Variants in FSTL5 observed in about 807,000 individuals in gnomAD.
The protein encoded by FSTL5 is follistatin-related protein 5.
Under a neutral mutation model 89.1 loss-of-function variants are expected in FSTL5, and 62 were observed. That is an observed-to-expected ratio of 0.70 (90% confidence interval 0.57 to 0.86). The LOEUF is 0.86. Ranked by LOEUF, FSTL5 falls within the 40% of genes least tolerant of loss-of-function variation. The probability of loss-of-function intolerance (pLI) is 0.00; values close to 1 mark genes in which losing one functional copy is unlikely to be tolerated. For missense variants in FSTL5, 1,057 were observed against 1,001.6 expected (o/e 1.06, Z -0.75); for synonymous variants, 383 against 346.2 (o/e 1.11, Z -1.18).
Position 161,413,278 on chromosome 4 carries a change from AAAAAAT to A in FSTL5, c.1842-26835_1842-26830del, listed in dbSNP as rs1553983759. Among the ~76,000 whole-genome samples the A allele has an allele frequency of 2.3e-4, 2 of 8,750 alleles. 1 individual carries two copies. Among genetic ancestry groups the A allele is most frequent in the Non-Finnish European group, 7.3e-4 (2 of 2,732 alleles). 5.7% of individuals were successfully genotyped at this position (8,750 alleles called of 152,430 possible). ...TCAAAAAAAAAAAAAAAAAAAAAAA[AAAAAAT>A]AAAGACACACAAGTGGCCAAGAAGC... On this transcript the variant is annotated intron_variant, in intron 15 of 15. Coordinates refer to ENST00000306100, the MANE Select transcript of FSTL5 (RefSeq NM_020116.5).
At chr4:161,715,969 C>T (rs12500089) in intron 6 of FSTL5, among the ~76,000 whole-genome samples, 82,437 of 152,064 alleles carry the variant, frequency 0.54, 25,901 homozygotes, top group Non-Finnish European at 0.7. Context: ...ATATTACAGC[C>T]AAATAAATTC....
At chr4:161,676,346 C>A (rs983462860) in intron 6 of FSTL5, among the ~76,000 whole-genome samples, 5 of 152,050 alleles carry the variant, frequency 3.3e-5, no homozygotes, top group African/African-American at 1.2e-4. Flanking sequence ...AGTTTATGTT[C>A]TTTGCAGGGA....
chr4:161,504,804 G>A (rs930775613), intron 11 of FSTL5, among the ~76,000 whole-genome samples: 1 of 151,946 alleles, frequency 6.6e-6, no homozygotes, highest in Non-Finnish European at 1.5e-5. Flanking sequence ...AACCACTCAA[G>A]AACAGTAGTG....
rs149743849 is a variant in FSTL5, at chr4:161,522,897, A to G, written c.1313-12473T>C. ...TATTTTCTAAAATAGTCCTATATCT[A>G]GAATATTGTGCTATTATTTTTGCCC... On this transcript the variant is annotated intron_variant, in intron 10 of 15. Coordinates refer to ENST00000306100, the MANE Select transcript of FSTL5 (RefSeq NM_020116.5). Among the ~76,000 whole-genome samples the G allele has an allele frequency of 1.1e-3, 173 of 151,938 alleles. 2 individuals carry two copies. The Middle Eastern group carries it at 0.021, about 18-fold the overall frequency.
At chr4:161,557,900 A>G (rs149430029) in intron 8 of FSTL5, among the ~76,000 whole-genome samples, 1,559 of 151,944 alleles carry the variant, frequency 0.01, 13 homozygotes, top group Middle Eastern at 0.041. Context: ...CATATAAGTT[A>G]TATAAACTGA....
At chr4:162,028,591 C>T (rs57254073) in intron 3 of FSTL5, among the ~76,000 whole-genome samples, 1 of 152,096 alleles carries the variant, frequency 6.6e-6, no homozygotes, top group East Asian at 1.9e-4. Context: ...AATAAATAAA[C>T]AAATAAAGAA....
intron 1 of FSTL5, among the ~76,000 whole-genome samples, chr4:162,135,563 A>C (rs550640044): frequency 6.6e-6 from 1 of 152,234 alleles, no homozygotes; most frequent in East Asian, 1.9e-4. Context: ...CTCCATAAAA[A>C]GTTATCTCCC....
intron 15 of FSTL5, among the ~76,000 whole-genome samples, chr4:161,422,367 T>C (rs919230128): frequency 6.6e-6 from 1 of 152,314 alleles, no homozygotes; most frequent in Admixed American, 6.5e-5. Flanking sequence ...CGTCTACTAT[T>C]ACTACTATTG....
chr4:161,694,280 G>T (rs1738057036), intron 6 of FSTL5, among the ~76,000 whole-genome samples: 2 of 152,030 alleles, frequency 1.3e-5, no homozygotes, highest in South Asian at 2.1e-4. Context: ...TTCTCTTTCT[G>T]CAATTCCTAT....
intron 7 of FSTL5, among the ~76,000 whole-genome samples, chr4:161,649,330 T>G (rs1402784065): frequency 6.6e-6 from 1 of 152,224 alleles, no homozygotes; most frequent in Non-Finnish European, 1.5e-5. Context: ...TTGAGGTTCT[T>G]ATGAAACCTG....
At chr4:161,980,537 A>T (rs1466312601) in intron 3 of FSTL5, among the ~76,000 whole-genome samples, 1 of 151,206 alleles carries the variant, frequency 6.6e-6, no homozygotes, top group Non-Finnish European at 1.5e-5. Context: ...CTACATTTTC[A>T]TATTCTCTTT....
intron 6 of FSTL5, among the ~76,000 whole-genome samples, chr4:161,712,163 G>T (rs551303070): frequency 6.6e-6 from 1 of 152,084 alleles, no homozygotes; most frequent in Admixed American, 6.6e-5. Flanking sequence ...TTCCTTTTTG[G>T]GGGTAGAAAT....
At chr4:162,073,283 C>T (rs1729701686) in intron 2 of FSTL5, among the ~76,000 whole-genome samples, 2 of 151,492 alleles carry the variant, frequency 1.3e-5, no homozygotes, top group African/African-American at 4.8e-5. Context: ...TGGGTATGAA[C>T]TCAATATAAT....
intron 7 of FSTL5, among the ~76,000 whole-genome samples, chr4:161,598,050 A>C (rs1734091108): frequency 6.6e-6 from 1 of 152,164 alleles, no homozygotes; most frequent in Admixed American, 6.5e-5. Context: ...AATTAATCCA[A>C]AATCTCAACA....
At chr4:162,144,171 T>G (rs1436177514) in intron 1 of FSTL5, among the ~76,000 whole-genome samples, 5 of 152,142 alleles carry the variant, frequency 3.3e-5, no homozygotes, top group Non-Finnish European at 7.4e-5. Flanking sequence ...CTGCGGGAGA[T>G]AAACAAAACA....
chr4:161,581,001 A>AC (rs1293685710), intron 8 of FSTL5, among the ~76,000 whole-genome samples: 1 of 152,170 alleles, frequency 6.6e-6, no homozygotes, highest in Non-Finnish European at 1.5e-5. Flanking sequence ...CTGAAATGAT[A>AC]CATGGCCAAT....
intron 6 of FSTL5, among the ~76,000 whole-genome samples, chr4:161,684,259 T>C (rs1381034769): frequency 2.0e-5 from 3 of 152,188 alleles, no homozygotes; most frequent in Non-Finnish European, 2.9e-5. Context: ...TATCTTTTTG[T>C]ATAATGACTT....
chr4:161,895,071 GT>G (rs781538258), intron 4 of FSTL5, among the ~76,000 whole-genome samples: 2 of 152,072 alleles, frequency 1.3e-5, no homozygotes, highest in Non-Finnish European at 2.9e-5. Context: ...AGCTATTATT[GT>G]TATCCATTTG....
intron 4 of FSTL5, among the ~76,000 whole-genome samples, chr4:161,873,017 TG>T (rs1207340881): frequency 6.6e-6 from 1 of 152,164 alleles, no homozygotes; most frequent in Non-Finnish European, 1.5e-5. Context: ...AAAAATATTC[TG>T]GAACTATAGA....
Sources: gnomAD v4.1 joint callset for allele counts (sites outside exome capture counted in the v4.1 genomes callset) on GRCh38, gnomAD v4.1.1 for gene constraint, MANE v1.5 for transcripts, NCBI Gene and HGNC (gene_info 2026-07-23, HGNC 2026-07-21) for gene names.